The following BBS9 variants were observed in gnomAD, a reference collection of about 807,000 sequenced individuals.
BBS9 encodes Bardet-Biedl syndrome 9, also known as protein PTHB1.
BBS9 carries 89 observed loss-of-function variants against 117.7 expected under a neutral mutation model. That is an observed-to-expected ratio of 0.76 (90% CI 0.64 to 0.90). The LOEUF is 0.90. Among genes scored for constraint, BBS9 ranks in the 40% least tolerant of loss-of-function variants. The pLI is 0.00. For synonymous variants in BBS9, 379 were observed against 370.9 expected, an observed-to-expected ratio of 1.02 and a Z score of -0.25; for missense variants, 982 against 1,042.2, an observed-to-expected ratio of 0.94 and a Z score of 0.80.
At chr7:33,224,602 T>G (rs1330082969) in intron 5 of BBS9, among the ~76,000 whole-genome samples, 1 of 152,174 alleles carries the variant, frequency 6.6e-6, no homozygotes, top group Non-Finnish European at 1.5e-5. Context: ...GTCTTCTCCC[T>G]CACCTCCCCA....
intron 4 of BBS9, among the ~76,000 whole-genome samples, chr7:33,166,183 A>G (rs539707131): frequency 6.6e-6 from 1 of 152,346 alleles, no homozygotes; most frequent in Non-Finnish European, 1.5e-5. Context: ...AGAACAGCAA[A>G]TATCGCAGAA....
chr7:33,358,358 TTTA>T (rs1563058143), intron 16 of BBS9, among the ~76,000 whole-genome samples: 1 of 151,876 alleles, frequency 6.6e-6, no homozygotes, highest in African/African-American at 2.4e-5. Flanking sequence ...TGTATAAATA[TTTA>T]TTATTTTCAT....
intron 19 of BBS9, among the ~76,000 whole-genome samples, chr7:33,485,551 C>T (rs1233515733): frequency 6.6e-6 from 1 of 152,080 alleles, no homozygotes; most frequent in Non-Finnish European, 1.5e-5. Flanking sequence ...CCTCGTGATC[C>T]ACCTGCCTCG....
chr7:33,616,850 C>T (rs1239243930), intron 21 of BBS9, among the ~76,000 whole-genome samples: 1 of 151,928 alleles, frequency 6.6e-6, no homozygotes, highest in Non-Finnish European at 1.5e-5. Context: ...TCTCATCCCT[C>T]ACCCCTCTCC....
chr7:33,328,207 C>T (rs1813239237), intron 9 of BBS9, among the ~76,000 whole-genome samples: 1 of 152,238 alleles, frequency 6.6e-6, no homozygotes. Context: ...CCACCTTCTG[C>T]ATCCTCTGCC....
At chr7:33,416,524 G>A (rs755253666) in intron 19 of BBS9, among the ~76,000 whole-genome samples, 57 of 151,884 alleles carry the variant, frequency 3.8e-4, no homozygotes, top group Non-Finnish European at 4.6e-4. Context: ...ATCCCAAGGG[G>A]GCTCTATTGC....
At chr7:33,458,495 C>A (rs1006070588) in intron 19 of BBS9, among the ~76,000 whole-genome samples, 3 of 152,036 alleles carry the variant, frequency 2.0e-5, no homozygotes, top group Non-Finnish European at 2.9e-5. Flanking sequence ...CTATTCTGTG[C>A]CAGTTTTTCT....
chr7:33,580,395 T>A (rs1478488543), intron 21 of BBS9, among the ~76,000 whole-genome samples: 1 of 151,970 alleles, frequency 6.6e-6, no homozygotes, highest in East Asian at 1.9e-4. Context: ...TTATTTAGCA[T>A]CTGTATAATT....
chr7:33,269,947 T>A (rs1583997288), intron 7 of BBS9, among the ~76,000 whole-genome samples: 1 of 146,696 alleles, frequency 6.8e-6, no homozygotes, highest in Non-Finnish European at 1.5e-5. Flanking sequence ...CGCTTGAACC[T>A]GGGAGGCGGA....
chr7:33,598,572 T>G (rs1354299786), intron 21 of BBS9, among the ~76,000 whole-genome samples: 2 of 152,190 alleles, frequency 1.3e-5, no homozygotes, highest in African/African-American at 4.8e-5. Flanking sequence ...TGAAAGATAT[T>G]AATAGGGGAA....
At chr7:33,576,243 G>A (rs764536295) in intron 21 of BBS9, among the ~76,000 whole-genome samples, 3 of 152,148 alleles carry the variant, frequency 2.0e-5, no homozygotes, top group Non-Finnish European at 4.4e-5. Flanking sequence ...GAAATCACAA[G>A]CATTCCTATA....
At chr7:33,545,924 CTTTTTTTTTTTTTT>C (rs10537037) in intron 21 of BBS9, among the ~76,000 whole-genome samples, 1,716 of 64,698 alleles carry the variant, frequency 0.027, 56 homozygotes, top group East Asian at 0.14. Context: ...CTTTATAATC[CTTTTTTTTTTTTTT>C]TTTTTTTTTT....
chr7:33,536,676 G>GGCCTTCCCCCGGCCCCCC (rs1851428196), intron 21 of BBS9, among the ~76,000 whole-genome samples: 2 of 30,818 alleles, frequency 6.5e-5, no homozygotes, highest in South Asian at 1.4e-3. Flanking sequence ...TCTGTGATTC[G>GGCCTTCCCCCGGCCCCCC]GCCTTCCCCC....
chr7:33,450,776 C>G (rs560870291), intron 19 of BBS9, among the ~76,000 whole-genome samples: 1 of 150,318 alleles, frequency 6.7e-6, no homozygotes, highest in South Asian at 2.1e-4. Flanking sequence ...GATATTAATT[C>G]TTTGTCACAT....
chr7:33,179,716 T>C (rs2128168152), intron 5 of BBS9, among the ~76,000 whole-genome samples: 1 of 152,340 alleles, frequency 6.6e-6, no homozygotes, highest in African/African-American at 2.4e-5. Flanking sequence ...TGTAATGTGC[T>C]GAGTCATCCC....
intron 16 of BBS9, among the ~76,000 whole-genome samples, chr7:33,361,996 C>A (rs1311960281): frequency 6.6e-6 from 1 of 152,118 alleles, no homozygotes; most frequent in African/African-American, 2.4e-5. Flanking sequence ...GGTTAAGTTG[C>A]TGAACATATC....
At chr7:33,510,281 GA>G (rs1846744737) in intron 20 of BBS9, among the ~76,000 whole-genome samples, 1 of 151,896 alleles carries the variant, frequency 6.6e-6, no homozygotes, top group Non-Finnish European at 1.5e-5. Flanking sequence ...TCTCAATGCA[GA>G]ATTTAAACAT....
At chr7:33,133,531 T>A (rs1353613218) in intron 1 of BBS9, among the ~76,000 whole-genome samples, 1 of 152,252 alleles carries the variant, frequency 6.6e-6, no homozygotes, top group Admixed American at 6.5e-5. Flanking sequence ...CTTTTGTTAC[T>A]GGCTTCTTTA....
intron 21 of BBS9, among the ~76,000 whole-genome samples, chr7:33,630,642 T>C (rs968497329): frequency 5.3e-5 from 8 of 152,176 alleles, no homozygotes; most frequent in African/African-American, 1.9e-4. Context: ...CCTCACAGCT[T>C]TCAGTATCAA....
Sources: gnomAD v4.1 joint callset for allele counts (sites outside exome capture counted in the v4.1 genomes callset) on GRCh38, gnomAD v4.1.1 for gene constraint, MANE v1.5 for transcripts, NCBI Gene and HGNC (gene_info 2026-07-23, HGNC 2026-07-21) for gene names.